The following ADK variants were observed in gnomAD, a reference collection of about 807,000 sequenced individuals.
The protein encoded by ADK is adenosine kinase, also known as N6,N6-dimethyladenosine kinase.
A neutral mutation model predicts 44.7 loss-of-function variants in ADK; 24 were observed. The ratio of observed to expected loss-of-function variants is 0.54; its 90% confidence interval spans 0.39 to 0.76. The LOEUF (loss-of-function observed/expected upper bound fraction) is 0.76. Ranked by LOEUF, ADK falls within the 30% of genes least tolerant of loss-of-function variation. The pLI, the probability that ADK is intolerant of heterozygous loss-of-function variation, is 0.00. For missense variants in ADK, 321 were observed against 425.1 expected (o/e 0.76, Z 2.15); for synonymous variants, 128 against 142.6 (o/e 0.90, Z 0.73).
At chr10:74,456,404 G>C (rs957609391) in intron 6 of ADK, among the ~76,000 whole-genome samples, 6 of 151,914 alleles carry the variant, frequency 3.9e-5, no homozygotes, top group African/African-American at 9.7e-5. Flanking sequence ...GCTGGGCGCG[G>C]TGGTTCACGC....
chr10:74,555,540 G>A (rs1345014842), intron 7 of ADK, among the ~76,000 whole-genome samples: 1 of 151,092 alleles, frequency 6.6e-6, no homozygotes, highest in Admixed American at 6.6e-5. Flanking sequence ...GAACCCAGGA[G>A]TTCGAAGCTG....
At chr10:74,195,598 C>T (rs1174354511) in intron 1 of ADK, among the ~76,000 whole-genome samples, 2 of 152,108 alleles carry the variant, frequency 1.3e-5, no homozygotes, top group African/African-American at 4.8e-5. Context: ...ATCCTCCCAC[C>T]TCAGCCTCCC....
chr10:74,170,974 AT>A (rs1307956885), intron 1 of ADK, among the ~76,000 whole-genome samples: 1 of 151,796 alleles, frequency 6.6e-6, no homozygotes, highest in Admixed American at 6.6e-5. Flanking sequence ...CTTTCCAATC[AT>A]TTTTTTCTAT....
intron 6 of ADK, 48 bp downstream of exon 6, chr10:74,398,627 AT>A: frequency 9.4e-7 from 1 of 1,061,330 alleles, no homozygotes; most frequent in Non-Finnish European, 1.4e-6. Context: ...TACATGATGG[AT>A]TATAGTTGTT....
chr10:74,389,798 G>A (rs1049280605), intron 4 of ADK, among the ~76,000 whole-genome samples: 25 of 152,032 alleles, frequency 1.6e-4, no homozygotes, highest in Non-Finnish European at 3.4e-4. Flanking sequence ...TTTTTGCCTT[G>A]CAGGTTCAAA....
rs151124778 is a variant in ADK, at chr10:74,315,808, A to G, written c.273+1063A>G. ...GCTCAGATTTAATCATAGTTTTCAA[A>G]TATTTTGTAAAAATGAATCTTTAAG... On this transcript the variant is annotated intron_variant, in intron 4 of 10. Coordinates refer to ENST00000539909, the MANE Select transcript of ADK (RefSeq NM_006721.4). Among the ~76,000 whole-genome samples the G allele has an allele frequency of 3.5e-4, 54 of 152,342 alleles. No individual in the cohort carries two copies. In the East Asian group the frequency reaches 0.01, roughly 28 times the overall value.
At chr10:74,625,457 A>G (rs1240735024) in intron 9 of ADK, among the ~76,000 whole-genome samples, 2 of 152,176 alleles carry the variant, frequency 1.3e-5, no homozygotes, top group African/African-American at 2.4e-5. Context: ...TAAAGTATAT[A>G]TATATATAGA....
chr10:74,308,860 G>C (rs201825444), intron 3 of ADK, among the ~76,000 whole-genome samples: 1 of 150,684 alleles, frequency 6.6e-6, no homozygotes. Flanking sequence ...ATGCTCACTC[G>C]CTCTCTCTCT....
chr10:74,579,247 A>G (rs1445520408), intron 7 of ADK, among the ~76,000 whole-genome samples: 1 of 151,914 alleles, frequency 6.6e-6, no homozygotes, highest in Non-Finnish European at 1.5e-5. Context: ...AAAAAAAAAA[A>G]AGTGAAGAAC....
At chr10:74,180,755 G>T (rs1383348458) in intron 1 of ADK, among the ~76,000 whole-genome samples, 2 of 152,174 alleles carry the variant, frequency 1.3e-5, no homozygotes, top group Non-Finnish European at 2.9e-5. Context: ...ACCGTGCCCG[G>T]CTGGCCATGC....
At chr10:74,357,401 C>G (rs1320741886) in intron 4 of ADK, among the ~76,000 whole-genome samples, 1 of 151,628 alleles carries the variant, frequency 6.6e-6, no homozygotes, top group Non-Finnish European at 1.5e-5. Context: ...CTTTCAAACT[C>G]CATGGGCTCA....
intron 7 of ADK, among the ~76,000 whole-genome samples, chr10:74,553,013 A>G (rs1850088902): frequency 6.6e-6 from 1 of 151,124 alleles, no homozygotes; most frequent in Non-Finnish European, 1.5e-5. Context: ...GAAAAACTGT[A>G]TGGTAGTTTT....
At position 74,708,404 on chromosome 10, in the gene ADK, C is replaced by T. The variant is rs200113941; in HGVS notation, c.1048C>T (p.Arg350Trp). 6 of 1,612,038 alleles carry T rather than the reference C, an allele frequency of 3.7e-6. No individual in the cohort carries two copies. The highest frequency in any genetic ancestry group is 1.1e-5 in the South Asian group (1 of 91,072). The change falls in exon 11 of 11, where the codon CGG becomes TGG. Residue 350 changes from arginine (R) to tryptophan (W), a missense_variant. Physicochemically the swap from Arg to Trp is moderately radical, Grantham distance 101. Coordinates refer to ENST00000539909, the MANE Select transcript of ADK (RefSeq NM_006721.4). ...CTATGCAGCAAGCATCATAATTAGA[C>T]GGACTGGCTGCACCTTTCCTGAGAA... ...GHYAASIIIRRTGCTFPEKPD... is the reference protein window; with the variant it reads ...GHYAASIIIRWTGCTFPEKPD...
At chr10:74,189,181 A>C (rs1403032092) in intron 1 of ADK, among the ~76,000 whole-genome samples, 1 of 152,166 alleles carries the variant, frequency 6.6e-6, no homozygotes, top group Non-Finnish European at 1.5e-5. Context: ...GATGTGTTCA[A>C]TTCAAATTTC....
chr10:74,338,100 C>G (rs1211333231), intron 4 of ADK, among the ~76,000 whole-genome samples: 3 of 138,288 alleles, frequency 2.2e-5, no homozygotes, highest in Non-Finnish European at 4.8e-5. Flanking sequence ...AGCCTCTATA[C>G]AGAATTTCTA....
Position 74,175,158 on chromosome 10 carries a change from A to G in ADK, c.65+23815A>G, listed in dbSNP as rs559139907. On this transcript the variant is annotated intron_variant, in intron 1 of 10. Transcript: ENST00000539909. ...ACGCCTGGAAGGCTGAGGCGGGCAG[A>G]TCGCTTGAGGCCAGGAGTTTGAGAC... Among the ~76,000 whole-genome samples, 56 of 152,342 alleles carry G rather than the reference A, an allele frequency of 3.7e-4. No individual in the cohort carries two copies. In the South Asian group the frequency reaches 8.9e-3, roughly 24 times the overall value.
At chr10:74,219,953 A>G (rs1253365350) in intron 2 of ADK, among the ~76,000 whole-genome samples, 2 of 146,670 alleles carry the variant, frequency 1.4e-5, no homozygotes, top group Admixed American at 1.4e-4. Flanking sequence ...CATCACAATT[A>G]AAAGAACTAG....
chr10:74,630,387 A>G (rs1289550763), intron 9 of ADK, among the ~76,000 whole-genome samples: 2 of 151,154 alleles, frequency 1.3e-5, no homozygotes, highest in African/African-American at 4.9e-5. Context: ...ATAGGTAATC[A>G]TATTCTTTTA....
At chr10:74,445,058 GTAAA>G (rs1261325202) in intron 6 of ADK, among the ~76,000 whole-genome samples, 12 of 151,974 alleles carry the variant, frequency 7.9e-5, no homozygotes, top group Non-Finnish European at 1.2e-4. Context: ...ACAATGGGTT[GTAAA>G]TAGTTTATTC....
Sources: gnomAD v4.1 joint callset for allele counts (sites outside exome capture counted in the v4.1 genomes callset) on GRCh38, gnomAD v4.1.1 for gene constraint, MANE v1.5 for transcripts, NCBI Gene and HGNC (gene_info 2026-07-23, HGNC 2026-07-21) for gene names.